Variants in SMOC1 observed in about 807,000 individuals in gnomAD.
SMOC1 encodes SPARC-related modular calcium-binding protein 1.
SMOC1 carries 22 observed loss-of-function variants against 56.3 expected under a neutral mutation model. The ratio of observed to expected loss-of-function variants is 0.39; its 90% CI spans 0.28 to 0.56. The LOEUF (loss-of-function observed/expected upper bound fraction) is 0.56. SMOC1 is among the 20% of genes least tolerant of loss of function. The probability of loss-of-function intolerance (pLI) is 0.61; values close to 1 mark genes in which losing one functional copy is unlikely to be tolerated. For synonymous variants in SMOC1, 193 were observed against 215.0 expected, an observed-to-expected ratio of 0.90 and a Z score of 0.89; for missense variants, 509 against 565.4, an observed-to-expected ratio of 0.90 and a Z score of 1.01.
chr14:69,965,806 A>G (rs1883553687), intron 3 of SMOC1, among the ~76,000 whole-genome samples: 1 of 152,226 alleles, frequency 6.6e-6, no homozygotes. Flanking sequence ...GGCCCACAAC[A>G]GACATTTACT....
At chr14:69,978,001 T>C (rs1462999659) in intron 5 of SMOC1, 36 bp downstream of exon 5, 3 of 1,583,610 alleles carry the variant, frequency 1.9e-6, no homozygotes. Context: ...AAATGTTTGC[T>C]TCCAAAGGTG....
chr14:70,028,028 G>T (rs1170407686), intron 11 of SMOC1, among the ~76,000 whole-genome samples: 2 of 152,138 alleles, frequency 1.3e-5, no homozygotes, highest in African/African-American at 4.8e-5. Flanking sequence ...TGCATGCTAG[G>T]TGGGGACAGA....
At chr14:69,995,802 A>G (rs1201597727) in intron 7 of SMOC1, among the ~76,000 whole-genome samples, 1 of 152,348 alleles carries the variant, frequency 6.6e-6, no homozygotes, top group African/African-American at 2.4e-5. Context: ...GGGAATAGTA[A>G]TGATGGTGCT....
intron 4 of SMOC1, among the ~76,000 whole-genome samples, chr14:69,977,181 G>A (rs116529625): frequency 1.2e-3 from 190 of 152,324 alleles, no homozygotes; most frequent in African/African-American, 4.4e-3. Flanking sequence ...TCTTTTGGCG[G>A]GACTCCACAG....
intron 1 of SMOC1, among the ~76,000 whole-genome samples, chr14:69,947,086 G>GGCCT (rs1882809926): frequency 1.8e-5 from 2 of 111,828 alleles, no homozygotes; most frequent in African/African-American, 3.7e-5. Context: ...GTCTCAGGCC[G>GGCCT]GCCTTCCTTC....
In SMOC1 at chr14:70,031,014, C is replaced by G. The variant is rs1886131566; in HGVS notation, c.*756C>G. The G allele has an allele frequency of 6.6e-6, 1 of 152,160 alleles. No individual in the cohort carries two copies. Among genetic ancestry groups the G allele is most frequent in the African/African-American group, 2.4e-5 (1 of 41,424 alleles). 9.4% of individuals were successfully genotyped at this position (152,160 alleles called of 1,614,324 possible). On this transcript the variant is annotated 3_prime_UTR_variant, in exon 12 of 12. Transcript: ENST00000361956. ...CTCAGAGGGTCCGTGCATTCCTGCTCTCCGGACCCCCAAAGGGCCCAGCAT... is the reference window on the plus strand; with the variant it reads ...CTCAGAGGGTCCGTGCATTCCTGCTGTCCGGACCCCCAAAGGGCCCAGCAT...
intron 3 of SMOC1, among the ~76,000 whole-genome samples, chr14:69,970,604 C>G (rs1182963440): frequency 1.3e-5 from 2 of 152,216 alleles, no homozygotes; most frequent in Non-Finnish European, 2.9e-5. Flanking sequence ...GAGAAGCCAT[C>G]ATGAAAGTGG....
intron 1 of SMOC1, among the ~76,000 whole-genome samples, chr14:69,919,412 C>G (rs1884772626): frequency 1.3e-5 from 2 of 152,196 alleles, no homozygotes; most frequent in South Asian, 4.1e-4. Context: ...CACATACACC[C>G]TGAACCTTTT....
chr14:69,986,848 A>G (rs1454548568), intron 5 of SMOC1, among the ~76,000 whole-genome samples: 1 of 152,238 alleles, frequency 6.6e-6, no homozygotes, highest in Non-Finnish European at 1.5e-5. Context: ...TATACGGAAT[A>G]TAAAACACTG....
intron 1 of SMOC1, among the ~76,000 whole-genome samples, chr14:69,880,498 C>G (rs1000446362): frequency 1.3e-5 from 2 of 152,026 alleles, no homozygotes; most frequent in African/African-American, 4.8e-5. Flanking sequence ...GTGCACAGGA[C>G]AGATTGTCCA....
chr14:69,959,160 T>C (rs542901808), intron 3 of SMOC1, among the ~76,000 whole-genome samples: 5 of 152,372 alleles, frequency 3.3e-5, no homozygotes, highest in African/African-American at 1.2e-4. Flanking sequence ...CAATATTTTC[T>C]TAGCTAAGTA....
At chr14:70,018,768 C>T (rs1295712433) in intron 10 of SMOC1, among the ~76,000 whole-genome samples, 1 of 152,214 alleles carries the variant, frequency 6.6e-6, no homozygotes, top group Admixed American at 6.5e-5. Context: ...TTCACGTGGT[C>T]CCCTGAGGGG....
intron 3 of SMOC1, among the ~76,000 whole-genome samples, chr14:69,960,081 C>T (rs745990512): frequency 1.3e-5 from 2 of 152,164 alleles, no homozygotes; most frequent in Non-Finnish European, 2.9e-5. Context: ...CCAGCAAGTA[C>T]TGAAGGTCTG....
intron 11 of SMOC1, among the ~76,000 whole-genome samples, chr14:70,029,878 G>T (rs538972365): frequency 9.9e-4 from 150 of 152,270 alleles, no homozygotes; most frequent in African/African-American, 3.5e-3. Flanking sequence ...AACCCCTGTC[G>T]TTTCCACCCC....
chr14:69,903,384 G>A (rs538916588), intron 1 of SMOC1, among the ~76,000 whole-genome samples: 6 of 152,240 alleles, frequency 3.9e-5, no homozygotes, highest in South Asian at 4.2e-4. Flanking sequence ...CGGCCCGGCC[G>A]CCACCCCGTC....
intron 7 of SMOC1, among the ~76,000 whole-genome samples, chr14:70,000,676 T>C (rs1361204242): frequency 6.6e-6 from 1 of 152,192 alleles, no homozygotes; most frequent in Non-Finnish European, 1.5e-5. Context: ...ATTTCGATCT[T>C]GTTCTTCCCT....
Position 69,961,268 on chromosome 14 carries a change from T to C in SMOC1, c.378+7736T>C, listed in dbSNP as rs544010961. ...CTTTTTATTGTCAAGCAATATTCTA[T>C]TGTGTATATATATATATATATATAT... is the stretch of plus-strand genomic sequence containing the variant. On this transcript the variant is annotated intron_variant, in intron 3 of 11. Transcript: ENST00000361956. 7.1e-3 allele frequency among the ~76,000 whole-genome samples: 637 copies of C among 89,672 alleles called. 16 individuals are homozygous for C. Among genetic ancestry groups the C allele is most frequent in the African/African-American group, 0.03 (579 of 19,474 alleles). The allele number at this position is 89,672 out of a possible 152,430, so 58.8% of individuals were successfully genotyped here. A position where few individuals can be genotyped will look rare whatever the true frequency, so the allele number is the denominator to read the frequency against.
At chr14:69,917,036 A>G (rs896099293) in intron 1 of SMOC1, among the ~76,000 whole-genome samples, 1 of 152,258 alleles carries the variant, frequency 6.6e-6, no homozygotes, top group Non-Finnish European at 1.5e-5. Flanking sequence ...AAACAGCAGG[A>G]CAACTCTTTT....
At chr14:70,000,537 A>G (rs1594848189) in intron 7 of SMOC1, among the ~76,000 whole-genome samples, 1 of 152,226 alleles carries the variant, frequency 6.6e-6, no homozygotes. Flanking sequence ...CCATGAGTCA[A>G]TAGAGATGGG....
Sources: gnomAD v4.1 joint callset for allele counts (sites outside exome capture counted in the v4.1 genomes callset) on GRCh38, gnomAD v4.1.1 for gene constraint, MANE v1.5 for transcripts, NCBI Gene and HGNC (gene_info 2026-07-23, HGNC 2026-07-21) for gene names.